The following VIM variants were observed in gnomAD, a reference collection of about 807,000 sequenced individuals.
VIM encodes vimentin.
In VIM, 18 loss-of-function variants were observed where a neutral mutation model predicts 50.3. The ratio of observed to expected loss-of-function variants is 0.36; its 90% CI spans 0.25 to 0.53. VIM has a LOEUF of 0.53. Ranked by LOEUF, VIM falls within the 20% of genes least tolerant of loss-of-function variation. The pLI is 0.91. For synonymous variants in VIM, 245 were observed against 248.5 expected (o/e 0.99, Z 0.13); for missense variants, 551 against 614.7 (o/e 0.90, Z 1.10).
rs1287940540 is a variant in VIM at position 17,236,203 on chromosome 10, C to G, written c.1274-91C>G. 11 of 1,072,378 alleles carry G rather than the reference C, an allele frequency of 1.0e-5. No individual in the cohort carries two copies. The Admixed American group carries it at 1.4e-4, about 13-fold the overall frequency. 66.4% of individuals were successfully genotyped at this position (1,072,378 alleles called of 1,614,324 possible). ...GTACTTTACACAATTGCCTCTCCCC[C>G]ACAAATCATAATTGTTTCAGTAAAA... On this transcript the variant is annotated intron_variant, in intron 8 of 9. Transcript: ENST00000544301.
chr10:17,234,887 ACCTG>A, intron 6 of VIM, 69 bp downstream of exon 6: 1 of 1,604,414 alleles, frequency 6.2e-7, no homozygotes, highest in Non-Finnish European at 8.5e-7. Context: ...TCATGATGAT[ACCTG>A]AACAAAATGT....
In VIM at chr10:17,233,582, A is replaced by G. The variant is rs368990459; in HGVS notation, c.625-5A>G. 1.2e-6 allele frequency: 2 copies of G among 1,613,804 alleles called. No homozygotes were observed. The highest frequency in any genetic ancestry group is 1.7e-6 in the Non-Finnish European group (2 of 1,179,818). Reference sequence around the variant, plus strand: ...CATGTCCTGTCTTTTCTCTGTTCAAAATAGGATGTTGACAATGCGTCTCTG... The same window carrying G: ...CATGTCCTGTCTTTTCTCTGTTCAAGATAGGATGTTGACAATGCGTCTCTG... On this transcript the variant is annotated splice_region_variant and splice_polypyrimidine_tract_variant and intron_variant, in intron 3 of 9. Transcript: ENST00000544301.
chr10:17,230,930 T>A, intron 3 of VIM: 1 of 500,000 alleles, frequency 2.0e-6, no homozygotes, highest in Admixed American at 3.3e-5. Flanking sequence ...TGAGACGGAG[T>A]CTTACTCTGT....
chr10:17,237,147 G>A (rs1470055224), intron 9 of VIM, 83 bp from the exon 10 acceptor site: 1 of 1,249,568 alleles, frequency 8.0e-7, no homozygotes, highest in Admixed American at 2.1e-5. Flanking sequence ...TATTTAGCAG[G>A]ATTTTTATTT....
intron 5 of VIM, 33 bp from the exon 6 acceptor site, chr10:17,234,660 G>C: frequency 1.9e-6 from 3 of 1,612,568 alleles, no homozygotes; most frequent in Admixed American, 3.3e-5. Context: ...ACTTGAATGT[G>C]AGCAATCTAC....
At chr10:17,228,705 G>A (rs45511801) in intron 1 of VIM, 181 bp downstream of exon 1, 1 of 153,024 alleles carries the variant, frequency 6.5e-6, no homozygotes, top group Non-Finnish European at 1.5e-5. Context: ...GCGCGGGCCG[G>A]AGCAGCCCCC....
intron 9 of VIM, among the ~76,000 whole-genome samples, chr10:17,236,827 C>T (rs1846897600): frequency 6.6e-6 from 1 of 152,150 alleles, no homozygotes; most frequent in Non-Finnish European, 1.5e-5. Flanking sequence ...TATTACCTCC[C>T]TATGCCAGGA....
rs1846718146 is a variant in VIM, at chr10:17,228,491, T to C, written c.-181T>C. The C allele has an allele frequency of 6.6e-6, 1 of 152,246 alleles. No individual in the cohort carries two copies. The highest frequency in any genetic ancestry group is 2.4e-5 in the African/African-American group (1 of 41,446). The allele number at this position is 152,246 out of a possible 1,614,324, so 9.4% of individuals were successfully genotyped here. On this transcript the variant is annotated 5_prime_UTR_variant, in exon 1 of 10. Coordinates refer to ENST00000544301, the MANE Select transcript of VIM (RefSeq NM_003380.5). ...GGTCTAACGGTTTCCCCTAAACCGCTAGGAGCCCTCAATCGGCGGGACAGC... is the reference window on the plus strand; with the variant it reads ...GGTCTAACGGTTTCCCCTAAACCGCCAGGAGCCCTCAATCGGCGGGACAGC...
chr10:17,233,744 T>A, intron 4 of VIM, 26 bp from the exon 5 acceptor site: 1 of 1,614,232 alleles, frequency 6.2e-7, no homozygotes, highest in Non-Finnish European at 8.5e-7. Flanking sequence ...TTGGCAGAGC[T>A]GACCGTCTGT....
Position 17,229,380 on chromosome 10 carries a change from C to G in VIM, c.-43C>G. 2 of 1,559,192 alleles carry G rather than the reference C, an allele frequency of 1.3e-6. No homozygotes were observed. The highest frequency in any genetic ancestry group is 8.6e-7 in the Non-Finnish European group (1 of 1,158,504). ...TTCGCCTCTTCTCCGGGAGCCAGTC[C>G]GCGCCACCGCCGCCGCCCAGGCCAT... On this transcript the variant is annotated 5_prime_UTR_variant, in exon 2 of 10. Transcript: ENST00000544301.
chr10:17,234,853 A>G, intron 6 of VIM, 35 bp downstream of exon 6: 1 of 1,613,994 alleles, frequency 6.2e-7, no homozygotes, highest in Non-Finnish European at 8.5e-7. Context: ...GAGGGAAAAT[A>G]ATGACCCATT....
At position 17,229,783 on chromosome 10, in the gene VIM, G is replaced by T; in HGVS notation, c.361G>T (p.Val121Leu). The change falls in exon 2 of 10, where the codon GTG (valine) becomes TTG (leucine). Residue 121 changes from valine to leucine, a missense_variant. This residue lies in a region of VIM where 23 missense variants were observed against 50.9 expected (regional missense o/e 0.45). Coordinates refer to ENST00000544301, the MANE Select transcript of VIM (RefSeq NM_003380.5). ...CCGCTTCGCCAACTACATCGACAAG[G>T]TGCGCTTCCTGGAGCAGCAGAATAA... ...NDRFANYIDK[V>L]RFLEQQNKIL... The T allele has an allele frequency of 2.5e-6, 4 of 1,592,828 alleles. No individual in the cohort carries two copies. The highest frequency in any genetic ancestry group is 3.4e-6 in the Non-Finnish European group (4 of 1,169,376).
chr10:17,229,776 C>T lies in VIM; in HGVS notation c.354C>T (p.Ile118=). 6.3e-7 allele frequency: 1 copy of T among 1,590,818 alleles called. No homozygotes were observed. Among genetic ancestry groups the T allele is most frequent in the Non-Finnish European group, 8.6e-7 (1 of 1,168,200 alleles). ...QELNDRFANY[I]DKVRFLEQQN... ...TGAATGACCGCTTCGCCAACTACAT[C>T]GACAAGGTGCGCTTCCTGGAGCAGC... The change falls in exon 2 of 10, where the codon ATC becomes ATT. Residue 118 remains isoleucine (I), a synonymous_variant. Coordinates refer to ENST00000544301, the MANE Select transcript of VIM (RefSeq NM_003380.5).
In VIM at chr10:17,235,005, A is replaced by G. The variant is rs1457493902; in HGVS notation, c.1009-164A>G. ...TTGAAGGTTTTAGCTTGCCTATATCATTGCTTCTAATATGAAGGACTTGGT... is the reference window on the plus strand; with the variant it reads ...TTGAAGGTTTTAGCTTGCCTATATCGTTGCTTCTAATATGAAGGACTTGGT... On this transcript the variant is annotated intron_variant, in intron 6 of 9. Coordinates refer to ENST00000544301, the MANE Select transcript of VIM (RefSeq NM_003380.5). The G allele has an allele frequency of 2.6e-6, 3 of 1,160,308 alleles. No individual in the cohort carries two copies. The Admixed American group carries it at 6.0e-5, about 23-fold the overall frequency. The allele number at this position is 1,160,308 out of a possible 1,614,324, so 71.9% of individuals were successfully genotyped here. A position where few individuals can be genotyped will look rare whatever the true frequency, so the allele number is the denominator to read the frequency against.
chr10:17,232,266 A>C (rs1166368147), intron 3 of VIM, among the ~76,000 whole-genome samples: 1 of 152,204 alleles, frequency 6.6e-6, no homozygotes, highest in African/African-American at 2.4e-5. Flanking sequence ...TTTTCCACTA[A>C]GGTGATAGAA....
intron 3 of VIM, chr10:17,233,213 G>T: frequency 3.2e-6 from 1 of 310,262 alleles, no homozygotes; most frequent in South Asian, 2.8e-5. Flanking sequence ...CTCCCAAAGT[G>T]CTGGGATTAC....
intron 3 of VIM, 194 bp downstream of exon 3, chr10:17,230,904 A>ATT (rs397844940): frequency 0.013 from 6,032 of 461,724 alleles, 25 homozygotes; most frequent in African/African-American, 0.028. Context: ...CCCTTGAGCG[A>ATT]TTTTTTTTTT....
Position 17,233,791 on chromosome 10 carries a change from C to T in VIM, c.742C>T (p.Gln248Ter), listed in dbSNP as rs1846836921. 1 of 1,614,040 alleles carries T rather than the reference C, an allele frequency of 6.2e-7. No homozygotes were observed. The highest frequency in any genetic ancestry group is 1.7e-5 in the Admixed American group (1 of 59,998). Residue 248 changes from glutamine (Q) to a stop codon, truncating the protein, a stop_gained, in exon 5 of 10, where the codon CAG becomes TAG. Transcript: ENST00000544301. LOFTEE classifies it high-confidence loss of function. Reference sequence around the variant, plus strand: ...GCAGGAAATCCAGGAGCTGCAGGCTCAGATTCAGGAACAGCATGTCCAAAT... The same window carrying T: ...GCAGGAAATCCAGGAGCTGCAGGCTTAGATTCAGGAACAGCATGTCCAAAT... ...HEEEIQELQA[Q>*]IQEQHVQIDV...
rs1165744605 is a variant in VIM at position 17,229,264 on chromosome 10, G to A, written c.-147-12G>A. The A allele has an allele frequency of 1.1e-5, 8 of 704,840 alleles. No individual in the cohort carries two copies. Among genetic ancestry groups the A allele is most frequent in the African/African-American group, 7.4e-5 (4 of 53,694 alleles). 43.7% of individuals were successfully genotyped at this position (704,840 alleles called of 1,614,324 possible). Reference sequence around the variant, plus strand: ...ACGGGGTTATAAAAACAGCGCCCTCGGCGGGGTCCAGTCCTCTGCCACTCT... The same window carrying A: ...ACGGGGTTATAAAAACAGCGCCCTCAGCGGGGTCCAGTCCTCTGCCACTCT... On this transcript the variant is annotated splice_polypyrimidine_tract_variant and intron_variant, in intron 1 of 9. Transcript: ENST00000544301.
Sources: gnomAD v4.1 joint callset for allele counts (sites outside exome capture counted in the v4.1 genomes callset) on GRCh38, gnomAD v4.1.1 for gene constraint, gnomAD v4.1.1 regional missense constraint, MANE v1.5 for transcripts, NCBI Gene and HGNC (gene_info 2026-07-23, HGNC 2026-07-21) for gene names.